IMMP2L: variants seen among roughly 807,000 people sequenced by gnomAD.
IMMP2L encodes mitochondrial inner membrane protease subunit 2.
Under a neutral mutation model 19.3 loss-of-function variants are expected in IMMP2L, and 18 were observed. The observed-to-expected ratio is 0.93, with a 90% CI of 0.64 to 1.38. IMMP2L has a LOEUF of 1.38. IMMP2L is among the 40% of genes most tolerant of loss of function. The probability of loss-of-function intolerance (pLI) is 0.00; values close to 1 mark genes in which losing one functional copy is unlikely to be tolerated. For missense variants in IMMP2L, 233 were observed against 218.2 expected (o/e 1.07, Z -0.43); for synonymous variants, 76 against 73.0 (o/e 1.04, Z -0.21).
chr7:111,352,235 A>T (rs1235342694), intron 3 of IMMP2L, among the ~76,000 whole-genome samples: 1 of 152,048 alleles, frequency 6.6e-6, no homozygotes, highest in Non-Finnish European at 1.5e-5. Context: ...AAAACCTTAT[A>T]AACATAGTAC....
intron 5 of IMMP2L, among the ~76,000 whole-genome samples, chr7:110,776,035 A>G (rs1160565557): frequency 6.6e-6 from 1 of 152,082 alleles, no homozygotes; most frequent in African/African-American, 2.4e-5. Context: ...TTAAAACATC[A>G]TACTCCTGCC....
intron 3 of IMMP2L, among the ~76,000 whole-genome samples, chr7:111,047,816 G>C (rs147072615): frequency 4.9e-4 from 75 of 152,268 alleles, no homozygotes; most frequent in African/African-American, 1.8e-3. Context: ...ACCAAAGACA[G>C]ACAGCCACCA....
intron 3 of IMMP2L, among the ~76,000 whole-genome samples, chr7:111,096,516 A>AC (rs946813821): frequency 6.5e-4 from 99 of 151,372 alleles, no homozygotes; most frequent in Admixed American, 4.1e-3. Flanking sequence ...TTTAAAAAAA[A>AC]AAAAACAAAA....
At chr7:110,861,324 G>T (rs1439162302) in intron 5 of IMMP2L, among the ~76,000 whole-genome samples, 1 of 151,862 alleles carries the variant, frequency 6.6e-6, no homozygotes, top group Non-Finnish European at 1.5e-5. Context: ...CTGCACTCAG[G>T]CTAGAGTGCA....
chr7:111,540,680 G>T (rs1296925076), intron 1 of IMMP2L, among the ~76,000 whole-genome samples: 1 of 151,904 alleles, frequency 6.6e-6, no homozygotes, highest in East Asian at 1.9e-4. Context: ...GCCCCTAAAG[G>T]GTATACATAG....
chr7:111,114,995 C>G (rs943262266), intron 3 of IMMP2L, among the ~76,000 whole-genome samples: 16 of 151,962 alleles, frequency 1.1e-4, no homozygotes, highest in South Asian at 4.2e-4. Flanking sequence ...TAATTATAAC[C>G]TGAAGCAAAT....
chr7:111,111,673 A>G (rs1311752110), intron 3 of IMMP2L, among the ~76,000 whole-genome samples: 2 of 152,090 alleles, frequency 1.3e-5, no homozygotes, highest in East Asian at 3.9e-4. Context: ...CCCTGCGTCA[A>G]TAGTAATTTT....
intron 5 of IMMP2L, among the ~76,000 whole-genome samples, chr7:110,678,475 A>T (rs1792481077): frequency 6.6e-6 from 1 of 152,146 alleles, no homozygotes; most frequent in Non-Finnish European, 1.5e-5. Flanking sequence ...CAAAGAGAAT[A>T]AATGTAATCA....
chr7:110,843,281 T>C (rs1281616156), intron 5 of IMMP2L, among the ~76,000 whole-genome samples: 1 of 152,138 alleles, frequency 6.6e-6, no homozygotes, highest in Non-Finnish European at 1.5e-5. Flanking sequence ...ATTTCAACTT[T>C]GTTGGCAAAA....
chr7:111,549,561 A>G (rs1563345021), intron 1 of IMMP2L, among the ~76,000 whole-genome samples: 1 of 152,202 alleles, frequency 6.6e-6, no homozygotes, highest in Non-Finnish European at 1.5e-5. Context: ...GTAGTCATAT[A>G]CATCAGACAG....
rs145756645 is a variant in IMMP2L at position 110,828,606 on chromosome 7, T to C, written c.408+57987A>G. Among the ~76,000 whole-genome samples, 289 of 152,228 alleles carry C rather than the reference T, an allele frequency of 1.9e-3. 2 individuals are homozygous for C. The highest frequency in any genetic ancestry group is 6.5e-3 in the African/African-American group (270 of 41,558). On this transcript the variant is annotated intron_variant, in intron 5 of 5. Transcript: ENST00000405709. ...ATGAGAGACTGGCAAAAAATAAATG[T>C]GACCTTAGGTGATACTAAAAGAAAT...
chr7:111,288,181 G>A (rs1350820026), intron 3 of IMMP2L, among the ~76,000 whole-genome samples: 2 of 152,104 alleles, frequency 1.3e-5, no homozygotes, highest in Non-Finnish European at 2.9e-5. Flanking sequence ...TTCAATTGTA[G>A]ATATGCAGCC....
rs1822934084 is a variant in IMMP2L, at chr7:111,306,860, G to A, written c.239+180378C>T. On this transcript the variant is annotated intron_variant, in intron 3 of 5. Coordinates refer to ENST00000405709, the MANE Select transcript of IMMP2L (RefSeq NM_032549.4). The stretch of plus-strand genomic sequence containing the variant: ...ACCCACAGCAAATGGGGGAGGCAGG[G>A]AAGACTATATTGATTGTCAATATAT... 2.0e-5 allele frequency among the ~76,000 whole-genome samples: 3 copies of A among 151,680 alleles called. 1 individual carries two copies. The highest frequency in any genetic ancestry group is 4.4e-5 in the Non-Finnish European group (3 of 67,864).
At chr7:110,730,351 G>A (rs1052745879) in intron 5 of IMMP2L, among the ~76,000 whole-genome samples, 2 of 152,040 alleles carry the variant, frequency 1.3e-5, no homozygotes, top group African/African-American at 4.8e-5. Flanking sequence ...TTCCTCCCGT[G>A]GTGGATGTTT....
At position 111,374,771 on chromosome 7, in the gene IMMP2L, A is replaced by T. The variant is rs2131146247; in HGVS notation, c.239+112467T>A. 1.3e-5 allele frequency among the ~76,000 whole-genome samples: 2 copies of T among 152,256 alleles called. 1 individual carries two copies. Among genetic ancestry groups the T allele is most frequent in the Middle Eastern group, 6.8e-3 (2 of 294 alleles). On this transcript the variant is annotated intron_variant, in intron 3 of 5. Transcript: ENST00000405709. ...TCCTAGCTTGGCAACCCAAGTGAGA[A>T]AACAAAGTGTTGAGGTTATCTAAGC... is the stretch of plus-strand genomic sequence containing the variant.
intron 3 of IMMP2L, among the ~76,000 whole-genome samples, chr7:111,171,642 G>A (rs1806461521): frequency 6.6e-6 from 1 of 151,430 alleles, no homozygotes; most frequent in South Asian, 2.1e-4. Context: ...AGAATCCGGA[G>A]GGAAAAAAGA....
intron 3 of IMMP2L, among the ~76,000 whole-genome samples, chr7:111,451,691 ACC>A (rs1839206065): frequency 6.7e-6 from 1 of 149,790 alleles, no homozygotes; most frequent in East Asian, 1.9e-4. Context: ...GTGCACATGT[ACC>A]CTAAAACTTA....
chr7:111,543,921 A>C (rs2133000777), intron 1 of IMMP2L, among the ~76,000 whole-genome samples: 1 of 152,254 alleles, frequency 6.6e-6, no homozygotes, highest in Non-Finnish European at 1.5e-5. Flanking sequence ...AAACAAATGA[A>C]CTCAGAATCA....
intron 3 of IMMP2L, among the ~76,000 whole-genome samples, chr7:111,080,504 T>G (rs1356945940): frequency 1.4e-4 from 6 of 44,152 alleles, no homozygotes; most frequent in Non-Finnish European, 7.0e-5. Context: ...GTGTGTATAA[T>G]ATATAATGTG....
Sources: allele counts gnomAD v4.1 joint callset (sites outside exome capture counted in the v4.1 genomes callset), GRCh38; gene constraint gnomAD v4.1.1; transcripts MANE v1.5; gene names NCBI Gene and HGNC (gene_info 2026-07-23, HGNC 2026-07-21).